RFPL1: variants seen among roughly 807,000 people sequenced by gnomAD.
RFPL1 encodes the protein ret finger protein-like 1.
In RFPL1, 6 loss-of-function variants were observed where a neutral mutation model predicts 9.6. The observed-to-expected ratio is 0.62, with a 90% CI of 0.34 to 1.23. RFPL1 has a LOEUF of 1.23. Ranked by LOEUF, RFPL1 falls within the 50% of genes most tolerant of loss-of-function variation. The pLI is 0.03. For synonymous variants in RFPL1, 145 were observed against 149.4 expected (o/e 0.97, Z 0.22); for missense variants, 352 against 398.4 (o/e 0.88, Z 0.99).
chr22:29,408,442 G>T, the RFPL1 span, among the ~76,000 whole-genome samples: 2 of 152,154 alleles, frequency 1.3e-5, no homozygotes, highest in South Asian at 4.1e-4. Flanking sequence ...TATCCCCCAA[G>T]GCTCCTTGTG....
At chr22:29,437,658 T>A (rs1226737398), upstream of RFPL1, 2 of 1,594,946 alleles carry the variant, frequency 1.3e-6, no homozygotes, top group Non-Finnish European at 1.7e-6. Flanking sequence ...AACGCCCTCA[T>A]GTGCCCCTTC....
the RFPL1 span, among the ~76,000 whole-genome samples, chr22:29,400,156 C>T: frequency 6.6e-6 from 1 of 151,966 alleles, no homozygotes; most frequent in Non-Finnish European, 1.5e-5. Flanking sequence ...CCACCGCTCC[C>T]GGCTAATTTT....
the RFPL1 span, among the ~76,000 whole-genome samples, chr22:29,392,148 C>T: frequency 6.6e-6 from 1 of 152,008 alleles, no homozygotes; most frequent in Non-Finnish European, 1.5e-5. Flanking sequence ...GCAGCAATCT[C>T]GGCTCACTAC....
At chr22:29,389,790 A>AT in the RFPL1 span, among the ~76,000 whole-genome samples, 28 of 135,586 alleles carry the variant, frequency 2.1e-4, no homozygotes, top group East Asian at 9.3e-3. Flanking sequence ...TTGATAGATC[A>AT]TTTGTTTTTT....
the RFPL1 span, among the ~76,000 whole-genome samples, chr22:29,426,069 T>C: frequency 6.6e-6 from 1 of 152,038 alleles, no homozygotes; most frequent in Non-Finnish European, 1.5e-5. Flanking sequence ...ATGTCTGTAA[T>C]CCCAGTACCT....
At chr22:29,429,252 T>C in the RFPL1 span, among the ~76,000 whole-genome samples, 1 of 152,094 alleles carries the variant, frequency 6.6e-6, no homozygotes, top group African/African-American at 2.4e-5. Context: ...ACGAGGGTCT[T>C]ACTATGTTGC....
At chr22:29,409,173 C>T in the RFPL1 span, among the ~76,000 whole-genome samples, 8,935 of 152,138 alleles carry the variant, frequency 0.059, 283 homozygotes, top group Non-Finnish European at 0.076. Context: ...GGTTGTGCAA[C>T]CATTGTTACA....
chr22:29,399,413 A>G, the RFPL1 span, among the ~76,000 whole-genome samples: 6 of 152,344 alleles, frequency 3.9e-5, no homozygotes, highest in African/African-American at 1.4e-4. Context: ...TTGGAACAAA[A>G]TAGACCTCAC....
the RFPL1 span, chr22:29,423,243 G>C: frequency 8.0e-7 from 1 of 1,251,224 alleles, no homozygotes; most frequent in African/African-American, 1.4e-5. Flanking sequence ...CCCATCTTCA[G>C]TTATGGTGCA....
the RFPL1 span, among the ~76,000 whole-genome samples, chr22:29,393,461 G>A: frequency 6.6e-6 from 1 of 152,168 alleles, no homozygotes; most frequent in Non-Finnish European, 1.5e-5. Flanking sequence ...ACAGAAGTGG[G>A]GAAGGGAGCA....
the RFPL1 span, among the ~76,000 whole-genome samples, chr22:29,410,324 A>AGATATATAGATCTATATATATAGATCTAT: frequency 1.1e-5 from 1 of 89,248 alleles, no homozygotes; most frequent in African/African-American, 5.8e-5. Context: ...AGATATATAT[A>AGATATATAGATCTATATATATAGATCTAT]TGTAGATATA....
chr22:29,390,999 G>A, the RFPL1 span, among the ~76,000 whole-genome samples: 2 of 151,546 alleles, frequency 1.3e-5, no homozygotes, highest in East Asian at 4.0e-4. Context: ...AAAATTAGCC[G>A]GACATGGTGG....
chr22:29,430,456 T>A, the RFPL1 span, among the ~76,000 whole-genome samples: 1 of 152,188 alleles, frequency 6.6e-6, no homozygotes, highest in Non-Finnish European at 1.5e-5. Flanking sequence ...TTATATATAT[T>A]GTGATGTAAT....
chr22:29,431,972 A>G, the RFPL1 span, among the ~76,000 whole-genome samples: 2 of 152,290 alleles, frequency 1.3e-5, no homozygotes, highest in Non-Finnish European at 2.9e-5. Context: ...GATTACAGGC[A>G]TGAACCACCA....
the RFPL1 span, among the ~76,000 whole-genome samples, chr22:29,390,841 G>A: frequency 4.0e-5 from 6 of 151,052 alleles, no homozygotes; most frequent in Non-Finnish European, 8.8e-5. Flanking sequence ...CTTGTGATCC[G>A]CCCGCCTCAG....
chr22:29,424,836 C>CCCG, the RFPL1 span, among the ~76,000 whole-genome samples: 2 of 103,018 alleles, frequency 1.9e-5, no homozygotes, highest in South Asian at 8.7e-4. Flanking sequence ...CCCTCCCACC[C>CCCG]CCCCCCCCGC....
At chr22:29,392,836 A>G in the RFPL1 span, among the ~76,000 whole-genome samples, 1 of 152,140 alleles carries the variant, frequency 6.6e-6, no homozygotes, top group African/African-American at 2.4e-5. Context: ...GGGAACTTCA[A>G]CCCTGAGAAC....
At chr22:29,410,602 T>G in the RFPL1 span, among the ~76,000 whole-genome samples, 5 of 106,724 alleles carry the variant, frequency 4.7e-5, no homozygotes, top group Admixed American at 9.8e-5. Flanking sequence ...TATAGATATA[T>G]ATAGATATAT....
chr22:29,400,256 A>C, the RFPL1 span, among the ~76,000 whole-genome samples: 1 of 152,094 alleles, frequency 6.6e-6, no homozygotes, highest in Non-Finnish European at 1.5e-5. Context: ...TCAGCCTCCC[A>C]AAGTGCTGGG....
Sources: gnomAD v4.1 joint callset for allele counts (sites outside exome capture counted in the v4.1 genomes callset) on GRCh38, gnomAD v4.1.1 for gene constraint, MANE v1.5 for transcripts, NCBI Gene and HGNC (gene_info 2026-07-23, HGNC 2026-07-21) for gene names.